The following CEP162 variants were observed in gnomAD, a reference collection of about 807,000 sequenced individuals.
CEP162 encodes centrosomal protein 162.
CEP162 carries 141 observed loss-of-function variants against 169.2 expected under a neutral mutation model. The observed-to-expected ratio is 0.83, with a 90% CI of 0.73 to 0.96. CEP162 has a LOEUF of 0.96. CEP162 is among the 40% of genes least tolerant of loss of function. CEP162 has a pLI of 0.00. For synonymous variants in CEP162, 540 were observed against 526.4 expected, an observed-to-expected ratio of 1.03 and a Z score of -0.35; for missense variants, 1,600 against 1,587.2, an observed-to-expected ratio of 1.01 and a Z score of -0.14.
chr6:84,221,154 A>G lies in CEP162; in HGVS notation c.75T>C (p.Phe25=). ...QFMKELSDDS[F]ENSDKTARQS... is the part of the protein sequence containing the mutation. The stretch of plus-strand genomic sequence containing the variant: ...GTCTAGCTGTTTTGTCTGAATTTTC[A>G]AAAGAATCATCTGAAAGCTGAATTA... Residue 25 remains phenylalanine (F), a synonymous_variant, in exon 3 of 27, where the codon TTT becomes TTC. Coordinates refer to ENST00000403245, the MANE Select transcript of CEP162 (RefSeq NM_014895.4). 6.4e-7 allele frequency: 1 copy of G among 1,552,634 alleles called. No homozygotes were observed. Among genetic ancestry groups the G allele is most frequent in the Non-Finnish European group, 8.9e-7 (1 of 1,125,866 alleles).
chr6:84,138,936 C>T (rs1200552103), intron 25 of CEP162, among the ~76,000 whole-genome samples: 4 of 152,158 alleles, frequency 2.6e-5, no homozygotes, highest in Non-Finnish European at 4.4e-5. Context: ...CTGACACTTG[C>T]GTAATTGTAG....
intron 13 of CEP162, among the ~76,000 whole-genome samples, chr6:84,178,726 T>C (rs976880830): frequency 6.6e-6 from 1 of 152,158 alleles, no homozygotes; most frequent in East Asian, 1.9e-4. Flanking sequence ...TTGTTACATA[T>C]GTATACATGT....
chr6:84,203,932 G>A (rs1234171098), intron 7 of CEP162, 49 bp downstream of exon 7: 1 of 1,139,096 alleles, frequency 8.8e-7, no homozygotes, highest in Non-Finnish European at 1.3e-6. Flanking sequence ...AGGCAGCCAG[G>A]TTGAGAAAAA....
In CEP162 at chr6:84,176,347, T is replaced by C. The variant is rs536249495; in HGVS notation, c.1664-1000A>G. Among the ~76,000 whole-genome samples the C allele has an allele frequency of 8.5e-5, 13 of 152,338 alleles. 1 individual carries two copies. In the East Asian group the frequency reaches 1.2e-3, roughly 14 times the overall value. ...TCCAGGTATGTGAAGGTTTTCCTTA[T>C]AGAGTTATGATCATATTTAATTAGA... On this transcript the variant is annotated intron_variant, in intron 13 of 26. Coordinates refer to ENST00000403245, the MANE Select transcript of CEP162 (RefSeq NM_014895.4).
chr6:84,167,257 G>C (rs1255468351), intron 18 of CEP162, among the ~76,000 whole-genome samples: 13 of 151,926 alleles, frequency 8.6e-5, no homozygotes, highest in Non-Finnish European at 1.8e-4. Flanking sequence ...CCCTTAAATT[G>C]GTCTTTCAGT....
intron 24 of CEP162, among the ~76,000 whole-genome samples, chr6:84,147,741 C>T (rs1161335230): frequency 1.3e-5 from 2 of 152,090 alleles, no homozygotes; most frequent in African/African-American, 2.4e-5. Context: ...TATCTTTATA[C>T]TCTGTGGTTA....
Position 84,185,179 on chromosome 6 carries a change from A to C in CEP162, c.1663+8T>G. 4 of 1,602,080 alleles carry C rather than the reference A, an allele frequency of 2.5e-6. No homozygotes were observed. Among genetic ancestry groups the C allele is most frequent in the Non-Finnish European group, 3.4e-6 (4 of 1,170,158 alleles). Reference sequence around the variant, plus strand: ...AAACAATATACTAAATAAAGAGTATATGATTACCTTTTTTCCTAGGTTGAT... The same window carrying C: ...AAACAATATACTAAATAAAGAGTATCTGATTACCTTTTTTCCTAGGTTGAT... On this transcript the variant is annotated splice_region_variant and intron_variant, in intron 13 of 26. Coordinates refer to ENST00000403245, the MANE Select transcript of CEP162 (RefSeq NM_014895.4).
Position 84,185,302 on chromosome 6 carries a change from G to C in CEP162, c.1548C>G (p.Gly516=), listed in dbSNP as rs144041545. Residue 516 remains glycine (G), a synonymous_variant, in exon 13 of 27, where the codon GGC becomes GGG. Coordinates refer to ENST00000403245, the MANE Select transcript of CEP162 (RefSeq NM_014895.4). ...LYASVRSSGY[G]KPSSPLKMFS... is the part of the protein sequence containing the mutation. ...ACATCTTGAGTGGTGAACTGGGTTT[G>C]CCATAGCCTGAGCTCCTAACTGACG... 1.3e-5 allele frequency: 21 copies of C among 1,613,540 alleles called. No individual in the cohort carries two copies. In the African/African-American group the frequency reaches 2.7e-4, roughly 21 times the overall value.
At position 84,124,879 on chromosome 6, in the gene CEP162, T is replaced by G; in HGVS notation, c.*191A>C. On this transcript the variant is annotated 3_prime_UTR_variant, in exon 27 of 27. Coordinates refer to ENST00000403245, the MANE Select transcript of CEP162 (RefSeq NM_014895.4). ...CTTAAAATGAGACTGGTTAATGATTTTTAGTAAAATACACCATTATATGTT... is the reference window on the plus strand; with the variant it reads ...CTTAAAATGAGACTGGTTAATGATTGTTAGTAAAATACACCATTATATGTT... The G allele has an allele frequency of 1.7e-6, 1 of 587,378 alleles. No homozygotes were observed. The highest frequency in any genetic ancestry group is 2.9e-6 in the Non-Finnish European group (1 of 340,606). The allele number at this position is 587,378 out of a possible 1,614,324, so 36.4% of individuals were successfully genotyped here. A position where few individuals can be genotyped will look rare whatever the true frequency, so the allele number is the denominator to read the frequency against.
At chr6:84,154,082 A>G (rs531563926) in intron 22 of CEP162, among the ~76,000 whole-genome samples, 113 of 152,188 alleles carry the variant, frequency 7.4e-4, no homozygotes, top group African/African-American at 2.6e-3. Context: ...AATGTTTGGT[A>G]TATACAGGGA....
At chr6:84,207,170 A>G (rs915133742) in intron 6 of CEP162, among the ~76,000 whole-genome samples, 3 of 152,220 alleles carry the variant, frequency 2.0e-5, no homozygotes, top group Non-Finnish European at 4.4e-5. Context: ...CAATTCCTCA[A>G]GGATCTAGAA....
rs762129629 is a variant in CEP162, at chr6:84,185,216, A to C, written c.1634T>G (p.Ile545Ser). 6.2e-7 allele frequency: 1 copy of C among 1,612,604 alleles called. No individual in the cohort carries two copies. Among genetic ancestry groups the C allele is most frequent in the South Asian group, 1.1e-5 (1 of 91,040 alleles). Residue 545 changes from isoleucine (I) to serine (S), a missense_variant, in exon 13 of 27, where the codon ATT becomes AGT. Transcript: ENST00000403245. ...DIIKSKNLRS[I>S]STSNQPRKKE... ...TTTCCTAGGTTGATTGGAGGTAGAA[A>C]TCGATCTCAAGTTTTTGCTTTTTAT...
chr6:84,143,301 G>T (rs887094175), intron 25 of CEP162, among the ~76,000 whole-genome samples: 5 of 151,980 alleles, frequency 3.3e-5, no homozygotes, highest in Admixed American at 6.6e-5. Flanking sequence ...TAGAAGTCAT[G>T]AAATGATGTT....
intron 2 of CEP162, among the ~76,000 whole-genome samples, chr6:84,225,894 C>T (rs1406799432): frequency 6.6e-6 from 1 of 152,052 alleles, no homozygotes; most frequent in African/African-American, 2.4e-5. Context: ...GAGTGCAAAG[C>T]TCCTAAGGTG....
intron 18 of CEP162, among the ~76,000 whole-genome samples, chr6:84,164,321 C>A (rs1205351526): frequency 6.6e-6 from 1 of 152,132 alleles, no homozygotes; most frequent in Non-Finnish European, 1.5e-5. Flanking sequence ...ACTAGAAATA[C>A]CATTTGACTC....
At chr6:84,170,946 G>A (rs964742341) in intron 17 of CEP162, among the ~76,000 whole-genome samples, 4 of 152,106 alleles carry the variant, frequency 2.6e-5, no homozygotes, top group African/African-American at 9.7e-5. Context: ...CCGGCATAAA[G>A]GGCAGCCCCT....
chr6:84,131,165 T>C (rs2099511220), intron 25 of CEP162, among the ~76,000 whole-genome samples: 1 of 152,212 alleles, frequency 6.6e-6, no homozygotes, highest in South Asian at 2.1e-4. Context: ...TTGTGCAGTT[T>C]TGAGTGAGTT....
At chr6:84,158,098 T>C (rs528256674) in intron 21 of CEP162, among the ~76,000 whole-genome samples, 1 of 152,346 alleles carries the variant, frequency 6.6e-6, no homozygotes, top group Non-Finnish European at 1.5e-5. Context: ...TATACCTGCT[T>C]TTTAAAACTA....
At chr6:84,156,780 T>A (rs946599416) in intron 21 of CEP162, among the ~76,000 whole-genome samples, 260 of 125,762 alleles carry the variant, frequency 2.1e-3, no homozygotes, top group African/African-American at 0.01. Flanking sequence ...ACAAACACAC[T>A]ATTCATCCAT....
Sources: allele counts gnomAD v4.1 joint callset (sites outside exome capture counted in the v4.1 genomes callset), GRCh38; gene constraint gnomAD v4.1.1; transcripts MANE v1.5; gene names NCBI Gene and HGNC (gene_info 2026-07-23, HGNC 2026-07-21).